Variants in TENM2 observed in about 807,000 individuals in gnomAD.
TENM2 encodes the protein teneurin-2.
TENM2 carries 52 observed loss-of-function variants against 245.2 expected under a neutral mutation model. The ratio of observed to expected loss-of-function variants is 0.21; its 90% CI spans 0.17 to 0.27. The LOEUF (loss-of-function observed/expected upper bound fraction) is 0.27, where lower values mean the gene tolerates loss of function less well. Among genes scored for constraint, TENM2 ranks in the 10% least tolerant of loss-of-function variants. TENM2 has a pLI of 1.00. For synonymous variants in TENM2, 1,363 were observed against 1,438.9 expected (o/e 0.95, Z 1.19); for missense variants, 3,046 against 3,666.8 (o/e 0.83, Z 4.37).
At chr5:168,009,596 G>T (rs566990285) in intron 5 of TENM2, among the ~76,000 whole-genome samples, 8 of 152,232 alleles carry the variant, frequency 5.3e-5, no homozygotes, top group South Asian at 2.1e-4. Context: ...CCTCTCAGAT[G>T]CTAGGAGCCC....
rs560186090 is a variant in TENM2 at position 167,822,394 on chromosome 5, T to C, written c.503-53592T>C. 8.5e-5 allele frequency among the ~76,000 whole-genome samples: 13 copies of C among 152,346 alleles called. No homozygotes were observed. The East Asian group carries it at 2.5e-3, about 29-fold the overall frequency. On this transcript the variant is annotated intron_variant, in intron 2 of 28. Coordinates refer to ENST00000518659, the Ensembl canonical transcript of TENM2. ...TAAGTGCAGGGAAATGCAATACTTC[T>C]ATTAAACAAAACTTAGTTTTTATAA...
chr5:167,582,601 A>C (rs574795417), intron 2 of TENM2, among the ~76,000 whole-genome samples: 1 of 152,204 alleles, frequency 6.6e-6, no homozygotes. Context: ...CAAAAAAGTC[A>C]TGTCATTCTT....
intron 3 of TENM2, among the ~76,000 whole-genome samples, chr5:167,915,542 G>A (rs1776872552): frequency 6.6e-6 from 1 of 152,104 alleles, no homozygotes; most frequent in African/African-American, 2.4e-5. Flanking sequence ...GCTGATATTT[G>A]AAGCATGTGG....
chr5:167,457,630 G>C (rs1436939342), intron 2 of TENM2, among the ~76,000 whole-genome samples: 1 of 152,162 alleles, frequency 6.6e-6, no homozygotes, highest in Non-Finnish European at 1.5e-5. Context: ...ACAGGCATGA[G>C]CTACCACGCC....
At chr5:167,746,019 A>T (rs1220500156) in intron 2 of TENM2, among the ~76,000 whole-genome samples, 1 of 152,156 alleles carries the variant, frequency 6.6e-6, no homozygotes, top group Non-Finnish European at 1.5e-5. Flanking sequence ...TGTGCCCCTA[A>T]CTATGCTAAT....
intron 2 of TENM2, among the ~76,000 whole-genome samples, chr5:167,786,344 T>C (rs1363313151): frequency 1.3e-5 from 2 of 152,160 alleles, no homozygotes; most frequent in African/African-American, 4.8e-5. Context: ...GCTAACAGAG[T>C]GACTGGACCT....
intron 5 of TENM2, among the ~76,000 whole-genome samples, chr5:168,041,486 G>A (rs902601309): frequency 5.9e-5 from 9 of 152,038 alleles, no homozygotes; most frequent in Non-Finnish European, 1.0e-4. Context: ...TTCCCCAGAC[G>A]TCAGCATAAA....
intron 7 of TENM2, among the ~76,000 whole-genome samples, chr5:168,081,007 A>T (rs1271737237): frequency 2.6e-5 from 4 of 152,064 alleles, no homozygotes; most frequent in Admixed American, 6.5e-5. Flanking sequence ...TGTCTTGTTG[A>T]TCCGTCTAAT....
intron 1 of TENM2, among the ~76,000 whole-genome samples, chr5:167,355,394 G>C (rs1489539616): frequency 4.6e-5 from 7 of 152,120 alleles, no homozygotes; most frequent in Middle Eastern, 3.2e-3. Context: ...AACACACCGC[G>C]CACAAGAGAA....
chr5:167,569,180 A>ATTATT (rs1434062365), intron 2 of TENM2, among the ~76,000 whole-genome samples: 1 of 130,738 alleles, frequency 7.6e-6, no homozygotes, highest in East Asian at 2.3e-4. Flanking sequence ...TGTCTTTTAT[A>ATTATT]TTATTTTGTA....
chr5:168,226,170 A>G (rs942383237), exon 24 of TENM2: 2 of 1,596,194 alleles, frequency 1.3e-6, no homozygotes, highest in South Asian at 1.1e-5. Context: ...GGAGAAATCT[A>G]TTACCATTGA....
At chr5:167,888,907 T>C (rs11741952) in intron 3 of TENM2, among the ~76,000 whole-genome samples, 22,249 of 152,200 alleles carry the variant, frequency 0.15, 1,744 homozygotes, top group Middle Eastern at 0.16. Flanking sequence ...TGTTTTCTGC[T>C]AGAGTTATAT....
chr5:167,632,744 C>A (rs959168078), intron 2 of TENM2, among the ~76,000 whole-genome samples: 2 of 152,004 alleles, frequency 1.3e-5, no homozygotes, highest in African/African-American at 4.8e-5. Context: ...CAGTACCTGG[C>A]ACAAAGTAGG....
chr5:167,608,457 A>C (rs1777213066), intron 2 of TENM2, among the ~76,000 whole-genome samples: 1 of 152,188 alleles, frequency 6.6e-6, no homozygotes, highest in Non-Finnish European at 1.5e-5. Context: ...TGCCAAAGTG[A>C]CCTTGGTTGG....
chr5:167,553,433 A>G (rs188481278), intron 2 of TENM2, among the ~76,000 whole-genome samples: 2 of 152,340 alleles, frequency 1.3e-5, no homozygotes, highest in Admixed American at 1.3e-4. Context: ...GGTGTCAAAG[A>G]GCAGGACAGC....
intron 2 of TENM2, among the ~76,000 whole-genome samples, chr5:167,543,247 G>A (rs73801276): frequency 0.038 from 5,746 of 152,170 alleles, 123 homozygotes; most frequent in South Asian, 0.051. Flanking sequence ...CATTCCATTG[G>A]GCTGAAAACA....
At chr5:167,263,956 T>A in the TENM2 span, among the ~76,000 whole-genome samples, 4 of 151,840 alleles carry the variant, frequency 2.6e-5, no homozygotes, top group African/African-American at 9.7e-5. Context: ...ATACAAAAAA[T>A]TAGTTGGGTG....
chr5:167,582,129 TCTGTTACCACTTA>T (rs1418402900), intron 2 of TENM2, among the ~76,000 whole-genome samples: 1 of 152,158 alleles, frequency 6.6e-6, no homozygotes, highest in African/African-American at 2.4e-5. Context: ...TTCTGAATTC[TCTGTTACCACTTA>T]CTGTTGATGC....
chr5:167,899,942 G>T (rs116034192), intron 3 of TENM2, among the ~76,000 whole-genome samples: 37 of 151,944 alleles, frequency 2.4e-4, no homozygotes, highest in Non-Finnish European at 3.8e-4. Context: ...ATCCACTCAC[G>T]CAAAGACGTT....
Sources: allele counts gnomAD v4.1 joint callset (sites outside exome capture counted in the v4.1 genomes callset), GRCh38; gene constraint gnomAD v4.1.1; transcripts MANE v1.5; gene names NCBI Gene and HGNC (gene_info 2026-07-23, HGNC 2026-07-21).